Variants in RICTOR observed in about 807,000 individuals in gnomAD.
RICTOR encodes RPTOR independent companion of MTOR complex 2.
Under a neutral mutation model 214.9 loss-of-function variants are expected in RICTOR, and 49 were observed. That is an observed-to-expected ratio of 0.23 (90% CI 0.18 to 0.29). The LOEUF (loss-of-function observed/expected upper bound fraction) is 0.29, where lower values mean the gene tolerates loss of function less well. Ranked by LOEUF, RICTOR falls within the 10% of genes least tolerant of loss-of-function variation. The probability of loss-of-function intolerance (pLI) is 1.00; values close to 1 mark genes in which losing one functional copy is unlikely to be tolerated. For missense variants in RICTOR, 1,625 were observed against 2,047.0 expected (o/e 0.79, Z 3.98); for synonymous variants, 717 against 711.3 (o/e 1.01, Z -0.13).
At chr5:38,992,032 C>T (rs758176529) in intron 6 of RICTOR, among the ~76,000 whole-genome samples, 15 of 151,948 alleles carry the variant, frequency 9.9e-5, no homozygotes, top group Non-Finnish European at 1.8e-4. Flanking sequence ...ATGAAAGACA[C>T]ACAATTAAGT....
chr5:39,034,433 G>A (rs765252640), intron 2 of RICTOR, among the ~76,000 whole-genome samples: 1 of 152,214 alleles, frequency 6.6e-6, no homozygotes, highest in Non-Finnish European at 1.5e-5. Context: ...CTGAGGTAAC[G>A]GGTTCATCTC....
Position 39,056,623 on chromosome 5 carries a change from C to T in RICTOR, c.97+17488G>A, listed in dbSNP as rs867537812. The stretch of plus-strand genomic sequence containing the variant: ...CTGCCCTCCAGCCTGGATGACAAAG[C>T]GAGACCCTGTCTCAAAAAAGAAAAG... On this transcript the variant is annotated intron_variant, in intron 2 of 37. Coordinates refer to ENST00000357387, the MANE Select transcript of RICTOR (RefSeq NM_152756.5). Among the ~76,000 whole-genome samples the T allele has an allele frequency of 1.7e-4, 25 of 150,998 alleles. No individual in the cohort carries two copies. In the Middle Eastern group the frequency reaches 0.01, roughly 62 times the overall value.
chr5:38,998,669 G>A (rs1012476509), intron 5 of RICTOR, among the ~76,000 whole-genome samples: 1 of 152,150 alleles, frequency 6.6e-6, no homozygotes, highest in Non-Finnish European at 1.5e-5. Context: ...ATATGCTAAA[G>A]AAAATAGAAG....
At chr5:39,055,719 G>A (rs1758163476) in intron 2 of RICTOR, among the ~76,000 whole-genome samples, 1 of 152,130 alleles carries the variant, frequency 6.6e-6, no homozygotes, top group African/African-American at 2.4e-5. Flanking sequence ...TAAAGAAGAT[G>A]TTCAACACTG....
chr5:39,008,184 T>TAA (rs956961968), intron 3 of RICTOR, among the ~76,000 whole-genome samples: 1 of 150,760 alleles, frequency 6.6e-6, no homozygotes, highest in Non-Finnish European at 1.5e-5. Flanking sequence ...AAACACACTT[T>TAA]AAAAAAAAAG....
intron 10 of RICTOR, among the ~76,000 whole-genome samples, chr5:38,973,447 G>A (rs565104795): frequency 6.6e-6 from 1 of 152,230 alleles, no homozygotes; most frequent in African/African-American, 2.4e-5. Flanking sequence ...ATATAATACA[G>A]CAAATACAGT....
intron 2 of RICTOR, among the ~76,000 whole-genome samples, chr5:39,065,391 T>C (rs566107781): frequency 1.2e-4 from 18 of 152,294 alleles, no homozygotes; most frequent in Admixed American, 6.5e-4. Context: ...ATCTCCAGCA[T>C]TGGAGATTAC....
intron 5 of RICTOR, among the ~76,000 whole-genome samples, chr5:38,997,111 A>C (rs1032041628): frequency 3.9e-5 from 6 of 152,192 alleles, no homozygotes; most frequent in Non-Finnish European, 8.8e-5. Flanking sequence ...GTTAGGAAAG[A>C]ACAGTATAGT....
Position 38,958,487 on chromosome 5 carries a change from T to C in RICTOR, c.2376A>G (p.Pro792=). The part of the protein sequence containing the change: ...ANLHALIQMK[P]ALSHLGDKGL... ...CCTTGTCTCCAAGGTGGGATAACGC[T>C]GGTTTCATCTGAATGAGAGCATGAA... Residue 792 remains proline, a synonymous_variant, in exon 24 of 38, where the codon CCA becomes CCG. Transcript: ENST00000357387. 1 of 1,612,610 alleles carries C rather than the reference T, an allele frequency of 6.2e-7. No individual in the cohort carries two copies. Among genetic ancestry groups the C allele is most frequent in the Non-Finnish European group, 8.5e-7 (1 of 1,178,782 alleles).
At chr5:39,005,246 CAATAT>C (rs1299645418) in intron 3 of RICTOR, among the ~76,000 whole-genome samples, 1 of 152,110 alleles carries the variant, frequency 6.6e-6, no homozygotes, top group Non-Finnish European at 1.5e-5. Flanking sequence ...AAATTCTATA[CAATAT>C]ATTTTCAAAA....
intron 15 of RICTOR, among the ~76,000 whole-genome samples, chr5:38,965,361 T>C (rs1750131960): frequency 6.6e-6 from 1 of 152,006 alleles, no homozygotes; most frequent in African/African-American, 2.4e-5. Flanking sequence ...AAATAAGAAA[T>C]ATTAATTTCT....
chr5:39,009,510 C>G (rs893385819), intron 3 of RICTOR, among the ~76,000 whole-genome samples: 1 of 151,908 alleles, frequency 6.6e-6, no homozygotes, highest in African/African-American at 2.4e-5. Context: ...TCATAAATAA[C>G]TAAAAAGAAC....
chr5:38,963,010 G>T lies in RICTOR; in HGVS notation c.1432C>A (p.Arg478Ser). Residue 478 changes from arginine (R) to serine (S), a missense_variant, in exon 17 of 38, where the codon CGC becomes AGC. Arg to Ser is a moderately radical substitution (Grantham distance 110). Coordinates refer to ENST00000357387, the MANE Select transcript of RICTOR (RefSeq NM_152756.5). ...RASAALNCLK[R>S]FHEMKKRGPK... ...CCTCGTTTCTTCATTTCATGGAAGC[G>T]TTTTAAACAGTTCAAGGCTGCACTG... 2 of 1,612,830 alleles carry T rather than the reference G, an allele frequency of 1.2e-6. No individual in the cohort carries two copies. The highest frequency in any genetic ancestry group is 1.7e-6 in the Non-Finnish European group (2 of 1,179,142).
At chr5:39,051,543 T>C (rs929617938) in intron 2 of RICTOR, among the ~76,000 whole-genome samples, 1 of 151,866 alleles carries the variant, frequency 6.6e-6, no homozygotes, top group Admixed American at 6.6e-5. Context: ...AGGTCAGGAG[T>C]TGGAGACCAG....
chr5:39,045,840 A>C (rs1179241778), intron 2 of RICTOR, among the ~76,000 whole-genome samples: 3 of 150,930 alleles, frequency 2.0e-5, no homozygotes, highest in Non-Finnish European at 4.4e-5. Flanking sequence ...AAAGGTATAA[A>C]TATACCTTGG....
At chr5:39,035,196 A>C (rs1756582502) in intron 2 of RICTOR, among the ~76,000 whole-genome samples, 1 of 152,184 alleles carries the variant, frequency 6.6e-6, no homozygotes, top group African/African-American at 2.4e-5. Flanking sequence ...ACCACTGCTG[A>C]TACCCAGGCA....
chr5:39,008,977 T>C (rs1460306001), intron 3 of RICTOR, among the ~76,000 whole-genome samples: 1 of 151,994 alleles, frequency 6.6e-6, no homozygotes, highest in East Asian at 1.9e-4. Flanking sequence ...ATACAAAATA[T>C]TGTGCTTTCA....
chr5:39,074,334 A>T lies in RICTOR; in HGVS notation c.44T>A (p.Val15Glu). Residue 15 changes from valine to glutamate, a missense_variant, in exon 1 of 38, where the codon GTA becomes GAA. Around this residue, in one of 5 missense-constraint regions of RICTOR, gnomAD observed 71 missense variants for 57.9 expected, o/e 1.23. Coordinates refer to ENST00000357387, the MANE Select transcript of RICTOR (RefSeq NM_152756.5). ...GAGGGTTGCAGCGGGCTTACCTCGTACTCGGAGGTTCTTCAGAGAGCGGCC... is the reference window on the plus strand; with the variant it reads ...GAGGGTTGCAGCGGGCTTACCTCGTTCTCGGAGGTTCTTCAGAGAGCGGCC... ...GRGRSLKNLR[V>E]RGRNDSGEEN... The T allele has an allele frequency of 4.5e-6, 7 of 1,541,832 alleles. No homozygotes were observed. The highest frequency in any genetic ancestry group is 6.1e-6 in the Non-Finnish European group (7 of 1,143,376).
chr5:38,979,161 TA>T lies in RICTOR; in HGVS notation c.754-512del, dbSNP rs1050877058. On this transcript the variant is annotated intron_variant, in intron 8 of 37. Coordinates refer to ENST00000357387, the MANE Select transcript of RICTOR (RefSeq NM_152756.5). ...TAAAATAACTCATTACTTTAGTACT[TA>T]AGAGACAAGATCTTACTCTACTGTG... Among the ~76,000 whole-genome samples the T allele has an allele frequency of 9.2e-5, 14 of 152,272 alleles. No homozygotes were observed. The East Asian group carries it at 2.7e-3, about 29-fold the overall frequency.
Sources: gnomAD v4.1 joint callset for allele counts (sites outside exome capture counted in the v4.1 genomes callset) on GRCh38, gnomAD v4.1.1 for gene constraint, gnomAD v4.1.1 regional missense constraint, MANE v1.5 for transcripts, NCBI Gene and HGNC (gene_info 2026-07-23, HGNC 2026-07-21) for gene names.